Variants in SLFNL1 observed in about 807,000 individuals in gnomAD.
The protein encoded by SLFNL1 is schlafen-like protein 1.
SLFNL1 carries 26 observed loss-of-function variants against 32.5 expected under a neutral mutation model. The ratio of observed to expected loss-of-function variants is 0.80; its 90% CI spans 0.59 to 1.11. SLFNL1 has a LOEUF of 1.11. SLFNL1 is among the 50% of genes least tolerant of loss of function. The probability of loss-of-function intolerance (pLI) is 0.00; values close to 1 mark genes in which losing one functional copy is unlikely to be tolerated. For synonymous variants in SLFNL1, 255 were observed against 242.2 expected (o/e 1.05, Z -0.49); for missense variants, 553 against 546.5 (o/e 1.01, Z -0.12).
In SLFNL1 at chr1:41,020,472, A is replaced by C; in HGVS notation, c.189T>G (p.Leu63=). 6.2e-7 allele frequency: 1 copy of C among 1,613,430 alleles called. No homozygotes were observed. Among genetic ancestry groups the C allele is most frequent in the South Asian group, 1.1e-5 (1 of 91,076 alleles). ...CCAGGGTGTCTCGCAGCAGGCAGGC[A>C]AGCACCGGCACTGAGAACTGGGGGT... The part of the protein sequence containing the change: ...HLNPQFSVPV[L]ACLLRDTLER... Residue 63 remains leucine (L), a synonymous_variant, in exon 3 of 6, where the codon CTT becomes CTG. Coordinates refer to ENST00000302946, the MANE Select transcript of SLFNL1 (RefSeq NM_144990.4).
chr1:41,018,269 C>T (rs547631112), intron 3 of SLFNL1, 113 bp from the exon 4 acceptor site: 23 of 1,146,318 alleles, frequency 2.0e-5, no homozygotes, highest in South Asian at 1.1e-4. Flanking sequence ...CTGACTCTTA[C>T]GGACATCCTG....
Position 41,020,564 on chromosome 1 carries a change from ACTGCT to A in SLFNL1, c.92_96del (p.Glu31ValfsTer7). The A allele has an allele frequency of 1.2e-6, 2 of 1,613,440 alleles. No homozygotes were observed. Among genetic ancestry groups the A allele is most frequent in the East Asian group, 2.2e-5 (1 of 44,864 alleles). On this transcript the variant is annotated frameshift_variant, in exon 3 of 6. Coordinates refer to ENST00000302946, the MANE Select transcript of SLFNL1 (RefSeq NM_144990.4). LOFTEE classifies it high-confidence loss of function. ...TCGAGGTCAGAGTACTCCGTCAGGG[ACTGCT>A]CTGCGGGTAGCTCCGGCAGGGACTC...
At position 41,016,003 on chromosome 1, in the gene SLFNL1, C is replaced by T; in HGVS notation, c.*103G>A. On this transcript the variant is annotated 3_prime_UTR_variant, in exon 6 of 6. Coordinates refer to ENST00000302946, the MANE Select transcript of SLFNL1 (RefSeq NM_144990.4). ...GTTGAAGGAGTCCCTGTCCGCCTCTCAGCAGCCCGCATGGGCTTTACTGGT... is the reference window on the plus strand; with the variant it reads ...GTTGAAGGAGTCCCTGTCCGCCTCTTAGCAGCCCGCATGGGCTTTACTGGT... 1 of 1,465,916 alleles carries T rather than the reference C, an allele frequency of 6.8e-7. No individual in the cohort carries two copies. Among genetic ancestry groups the T allele is most frequent in the Non-Finnish European group, 9.1e-7 (1 of 1,096,068 alleles). 90.8% of individuals were successfully genotyped at this position (1,465,916 alleles called of 1,614,324 possible).
chr1:41,017,137 G>A lies in SLFNL1; in HGVS notation c.1101+97C>T. Reference sequence around the variant, plus strand: ...TTCAACGGGGTGATGCAGGACCCAGGGAACCATGGTGGCTTGCCCTGGGCT... The same window carrying A: ...TTCAACGGGGTGATGCAGGACCCAGAGAACCATGGTGGCTTGCCCTGGGCT... On this transcript the variant is annotated intron_variant, in intron 5 of 5. Transcript: ENST00000302946. This position sits in a 1 kb window ranked among gnomAD's most constrained non-coding sequence, Gnocchi z 4.9. 1.4e-6 allele frequency: 2 copies of A among 1,412,630 alleles called. No homozygotes were observed. The highest frequency in any genetic ancestry group is 1.9e-6 in the Non-Finnish European group (2 of 1,070,390). The allele number at this position is 1,412,630 out of a possible 1,614,324, so 87.5% of individuals were successfully genotyped here. A position where few individuals can be genotyped will look rare whatever the true frequency, so the allele number is the denominator to read the frequency against.
At position 41,016,058 on chromosome 1, in the gene SLFNL1, G is replaced by C. The variant is rs775346090; in HGVS notation, c.*48C>G. 3.2e-6 allele frequency: 5 copies of C among 1,577,522 alleles called. No homozygotes were observed. Among genetic ancestry groups the C allele is most frequent in the Non-Finnish European group, 4.3e-6 (5 of 1,159,552 alleles). On this transcript the variant is annotated 3_prime_UTR_variant, in exon 6 of 6. Transcript: ENST00000302946. ...CTTACACTCAAACAGGAAATCCCTG[G>C]GTCTCAGGTGGAGAGTGCCGTGCCG...
rs764374288 is a variant in SLFNL1, at chr1:41,017,210, A to T, written c.1101+24T>A. The T allele has an allele frequency of 4.4e-5, 68 of 1,537,694 alleles. No homozygotes were observed. In the African/African-American group the frequency reaches 8.1e-4, roughly 18 times the overall value. ...TCTGGGGTCAGCTCCGCTCCACCCC[A>T]CCCACTGGCCTCAGCTTCCGTACCT... On this transcript the variant is annotated intron_variant, in intron 5 of 5. Coordinates refer to ENST00000302946, the MANE Select transcript of SLFNL1 (RefSeq NM_144990.4). This position sits in a 1 kb window ranked among gnomAD's most constrained non-coding sequence, Gnocchi z 4.9.
In SLFNL1 at chr1:41,015,968, CAT is replaced by C; in HGVS notation, c.*136_*137del. On this transcript the variant is annotated 3_prime_UTR_variant, in exon 6 of 6. Coordinates refer to ENST00000302946, the MANE Select transcript of SLFNL1 (RefSeq NM_144990.4). ...GGTTGAAGCCACATGGGTGCCTGCT[CAT>C]GTGCCATGTTGAAGGAGTCCCTGTC... 1 of 1,210,802 alleles carries C rather than the reference CAT, an allele frequency of 8.3e-7. No individual in the cohort carries two copies. The highest frequency in any genetic ancestry group is 1.1e-6 in the Non-Finnish European group (1 of 875,656). 75.0% of individuals were successfully genotyped at this position (1,210,802 alleles called of 1,614,324 possible).
intron 1 of SLFNL1, chr1:41,021,328 A>T (rs779092899): frequency 6.6e-6 from 1 of 152,666 alleles, no homozygotes; most frequent in Non-Finnish European, 1.5e-5. Context: ...CTTTGCATAT[A>T]AACATAACTT....
intron 3 of SLFNL1, chr1:41,018,455 G>C: frequency 2.9e-6 from 1 of 349,172 alleles, no homozygotes; most frequent in Non-Finnish European, 5.2e-6. Flanking sequence ...CTCAGGGCTG[G>C]GTGCTGGGAC....
chr1:41,020,833 G>C lies in SLFNL1; in HGVS notation c.-119+31C>G, dbSNP rs1447217039. On this transcript the variant is annotated intron_variant, in intron 2 of 5. Coordinates refer to ENST00000302946, the MANE Select transcript of SLFNL1 (RefSeq NM_144990.4). ...GGCAGGGCCAGAGAGAGGGAGGGCA[G>C]AGGGCAAGCAGGAAAGGGCCTGCCA... 41 of 632,630 alleles carry C rather than the reference G, an allele frequency of 6.5e-5. No homozygotes were observed. The Admixed American group carries it at 1.2e-3, about 18-fold the overall frequency. 39.2% of individuals were successfully genotyped at this position (632,630 alleles called of 1,614,324 possible).
Position 41,017,318 on chromosome 1 carries a change from T to G in SLFNL1, c.1017A>C (p.Thr339=), listed in dbSNP as rs771681985. ...GCCGCAGAAACACCTCCCCCTGGTC[T>G]GTCTGGTAGAGTTGCGGCTGGCTCT... ...KAQSQPQLYQ[T]DQGEVFLRRD... The change falls in exon 5 of 6, where the codon ACA becomes ACC. Residue 339 remains threonine, a synonymous_variant. Coordinates refer to ENST00000302946, the MANE Select transcript of SLFNL1 (RefSeq NM_144990.4). The surrounding 1 kb of genome is among the most constrained non-coding windows in gnomAD (Gnocchi z 4.9). 2 of 1,613,926 alleles carry G rather than the reference T, an allele frequency of 1.2e-6. No homozygotes were observed. The highest frequency in any genetic ancestry group is 2.2e-5 in the South Asian group (2 of 91,072).
chr1:41,020,000 C>T (rs560095444), intron 3 of SLFNL1, among the ~76,000 whole-genome samples: 2 of 152,362 alleles, frequency 1.3e-5, no homozygotes, highest in South Asian at 4.1e-4. Flanking sequence ...CGTGGCCTTT[C>T]TTCACACAAA....
rs768179000 is a variant in SLFNL1, at chr1:41,020,689, A to G, written c.-29T>C. On this transcript the variant is annotated 5_prime_UTR_variant, in exon 3 of 6. Coordinates refer to ENST00000302946, the MANE Select transcript of SLFNL1 (RefSeq NM_144990.4). Reference sequence around the variant, plus strand: ...AAGGCTCTCCCTGGGAAGGGGTTCCAGGATTCCTCACTGCTGGCTGCTTCT... The same window carrying G: ...AAGGCTCTCCCTGGGAAGGGGTTCCGGGATTCCTCACTGCTGGCTGCTTCT... 1.4e-5 allele frequency: 23 copies of G among 1,589,594 alleles called. No homozygotes were observed. The South Asian group carries it at 2.2e-4, about 16-fold the overall frequency.
intron 1 of SLFNL1, chr1:41,021,412 A>C (rs1416323032): frequency 6.6e-6 from 1 of 152,596 alleles, no homozygotes; most frequent in Non-Finnish European, 1.5e-5. Context: ...AGAGGTCAAC[A>C]GGGCAGAACG....
At position 41,017,413 on chromosome 1, in the gene SLFNL1, C is replaced by A; in HGVS notation, c.958-36G>T. The stretch of plus-strand genomic sequence containing the variant: ...GCAACAGCAGCTCTGGAGGCGCCGC[C>A]CCTCACGGTCGGCAGCCCCCATCCT... On this transcript the variant is annotated intron_variant, in intron 4 of 5. Coordinates refer to ENST00000302946, the MANE Select transcript of SLFNL1 (RefSeq NM_144990.4). The surrounding 1 kb of genome is among the most constrained non-coding windows in gnomAD (Gnocchi z 4.9). 1 of 1,595,782 alleles carries A rather than the reference C, an allele frequency of 6.3e-7. No individual in the cohort carries two copies. Among genetic ancestry groups the A allele is most frequent in the South Asian group, 1.1e-5 (1 of 89,628 alleles).
chr1:41,018,841 T>TTG (rs1553184348), intron 3 of SLFNL1, among the ~76,000 whole-genome samples: 4 of 139,870 alleles, frequency 2.9e-5, no homozygotes, highest in Non-Finnish European at 6.2e-5. Flanking sequence ...TTTTTTTTTT[T>TTG]TTTTTTTTTT....
chr1:41,017,570 G>GT lies in SLFNL1; in HGVS notation c.957+64_957+65insA, dbSNP rs1238694821. On this transcript the variant is annotated intron_variant, in intron 4 of 5. Transcript: ENST00000302946. This position sits in a 1 kb window ranked among gnomAD's most constrained non-coding sequence, Gnocchi z 4.9. ...CCCAGCACTGCCTGGCAGGAGTGCA[G>GT]GCCATCGTCTTACTGAGTGATGACA... 6.6e-7 allele frequency: 1 copy of GT among 1,504,462 alleles called. No homozygotes were observed. Among genetic ancestry groups the GT allele is most frequent in the Non-Finnish European group, 8.9e-7 (1 of 1,127,016 alleles). 93.2% of individuals were successfully genotyped at this position (1,504,462 alleles called of 1,614,324 possible). A position where few individuals can be genotyped will look rare whatever the true frequency, so the allele number is the denominator to read the frequency against.
intron 1 of SLFNL1, 183 bp from the exon 2 acceptor site, chr1:41,021,053 C>T (rs1356349918): frequency 1.0e-5 from 2 of 192,080 alleles, no homozygotes; most frequent in Non-Finnish European, 2.2e-5. Context: ...CCTAGGTACC[C>T]TCAGGGTTTC....
Position 41,017,097 on chromosome 1 carries a change from T to G in SLFNL1, c.1101+137A>C. The G allele has an allele frequency of 9.1e-7, 1 of 1,096,768 alleles. No individual in the cohort carries two copies. The highest frequency in any genetic ancestry group is 1.3e-6 in the Non-Finnish European group (1 of 792,630). 67.9% of individuals were successfully genotyped at this position (1,096,768 alleles called of 1,614,324 possible). ...GAGTATGGGATGTGGTGTGATTGTA[T>G]TCCAACCCCTTGGGTTCAACGGGGT... On this transcript the variant is annotated intron_variant, in intron 5 of 5. Transcript: ENST00000302946. This position sits in a 1 kb window ranked among gnomAD's most constrained non-coding sequence, Gnocchi z 4.9.
Sources: gnomAD v4.1 joint callset for allele counts (sites outside exome capture counted in the v4.1 genomes callset) on GRCh38, gnomAD v4.1.1 for gene constraint, Gnocchi (gnomAD v3.1) non-coding constraint, MANE v1.5 for transcripts, NCBI Gene and HGNC (gene_info 2026-07-23, HGNC 2026-07-21) for gene names.